NALF1: variants seen among roughly 807,000 people sequenced by gnomAD.
NALF1 encodes NALCN channel auxiliary factor 1.
Under a neutral mutation model 48.4 loss-of-function variants are expected in NALF1, and 3 were observed. That is an observed-to-expected ratio of 0.06 (90% CI 0.03 to 0.16). The LOEUF (loss-of-function observed/expected upper bound fraction) is 0.16. Ranked by LOEUF, NALF1 falls within the 10% of genes least tolerant of loss-of-function variation. The pLI is 1.00. For synonymous variants in NALF1, 262 were observed against 245.7 expected (o/e 1.07, Z -0.62); for missense variants, 526 against 571.5 (o/e 0.92, Z 0.81).
intron 1 of NALF1, among the ~76,000 whole-genome samples, chr13:107,264,567 A>G (rs1261031296): frequency 6.6e-6 from 1 of 152,196 alleles, no homozygotes; most frequent in African/African-American, 2.4e-5. Context: ...TGTGAGGAAA[A>G]AAAAGGAACA....
intron 1 of NALF1, among the ~76,000 whole-genome samples, chr13:107,411,504 T>C (rs1288625054): frequency 6.6e-6 from 1 of 152,036 alleles, no homozygotes; most frequent in Non-Finnish European, 1.5e-5. Context: ...CTTGAAATCA[T>C]GGGTTTATTC....
intron 1 of NALF1, among the ~76,000 whole-genome samples, chr13:107,432,725 G>T (rs1884402882): frequency 6.6e-6 from 1 of 152,078 alleles, no homozygotes; most frequent in Admixed American, 6.6e-5. Context: ...TTCCCTGGGG[G>T]TCTCATGTTC....
intron 1 of NALF1, among the ~76,000 whole-genome samples, chr13:107,324,858 C>T (rs1374806815): frequency 6.6e-6 from 1 of 152,206 alleles, no homozygotes; most frequent in East Asian, 1.9e-4. Context: ...TATCCAATAA[C>T]TCAAGGTATA....
At chr13:107,329,753 G>A (rs1882434407) in intron 1 of NALF1, among the ~76,000 whole-genome samples, 1 of 150,892 alleles carries the variant, frequency 6.6e-6, no homozygotes, top group Non-Finnish European at 1.5e-5. Flanking sequence ...AGAACATGCG[G>A]TGTTTGGCTT....
intron 1 of NALF1, among the ~76,000 whole-genome samples, chr13:107,495,978 G>C (rs1025153570): frequency 6.6e-6 from 1 of 151,890 alleles, no homozygotes; most frequent in African/African-American, 2.4e-5. Flanking sequence ...GTTATGTGTA[G>C]GTTATGAAAA....
intron 1 of NALF1, among the ~76,000 whole-genome samples, chr13:107,289,756 A>G (rs946431630): frequency 1.3e-5 from 2 of 152,206 alleles, no homozygotes; most frequent in African/African-American, 4.8e-5. Context: ...TCCTGGATGA[A>G]TTCATCACCA....
intron 1 of NALF1, among the ~76,000 whole-genome samples, chr13:107,796,596 C>T (rs919212936): frequency 6.6e-6 from 1 of 152,104 alleles, no homozygotes; most frequent in African/African-American, 2.4e-5. Flanking sequence ...GTACTACTCT[C>T]GCTGCTTTAT....
In NALF1 at chr13:107,774,862, G is replaced by A. The variant is rs184416623; in HGVS notation, c.915+90820C>T. Among the ~76,000 whole-genome samples the A allele has an allele frequency of 1.7e-3, 260 of 152,018 alleles. 2 individuals carry two copies. Among genetic ancestry groups the A allele is most frequent in the African/African-American group, 6.0e-3 (247 of 41,466 alleles). On this transcript the variant is annotated intron_variant, in intron 1 of 2. Coordinates refer to ENST00000375915, the MANE Select transcript of NALF1 (RefSeq NM_001080396.3). Reference sequence around the variant, plus strand: ...TTATGGTTCTTCCTTCCTCTCTTCCGAGTCAGGAGGGCTCTTTCTTCCCTG... The same window carrying A: ...TTATGGTTCTTCCTTCCTCTCTTCCAAGTCAGGAGGGCTCTTTCTTCCCTG...
At chr13:107,731,608 G>A (rs1441425737) in intron 1 of NALF1, among the ~76,000 whole-genome samples, 1 of 152,072 alleles carries the variant, frequency 6.6e-6, no homozygotes, top group Non-Finnish European at 1.5e-5. Flanking sequence ...ATGTGTCCAT[G>A]TGTTCTCATC....
rs368932854 is a variant in NALF1 at position 107,257,193 on chromosome 13, G to A, written c.916-46438C>T. ...ATGGGGAAACCACCTCCATGAGCCA[G>A]TCACCTCCCTCCCTTGACATGTGGG... On this transcript the variant is annotated intron_variant, in intron 1 of 2. Coordinates refer to ENST00000375915, the MANE Select transcript of NALF1 (RefSeq NM_001080396.3). 1.2e-4 allele frequency among the ~76,000 whole-genome samples: 19 copies of A among 152,244 alleles called. No homozygotes were observed. The East Asian group carries it at 3.3e-3, about 26-fold the overall frequency.
At chr13:107,294,578 T>C (rs1171049022) in intron 1 of NALF1, among the ~76,000 whole-genome samples, 1 of 152,196 alleles carries the variant, frequency 6.6e-6, no homozygotes, top group African/African-American at 2.4e-5. Flanking sequence ...CTAAGCACTT[T>C]CCAGATTTTC....
chr13:107,797,371 A>G (rs1878459590), intron 1 of NALF1, among the ~76,000 whole-genome samples: 1 of 151,770 alleles, frequency 6.6e-6, no homozygotes, highest in African/African-American at 2.4e-5. Context: ...ATGCCCGGCT[A>G]ATTTTTTTTT....
At chr13:107,482,716 C>G (rs184987147) in intron 1 of NALF1, among the ~76,000 whole-genome samples, 2 of 152,102 alleles carry the variant, frequency 1.3e-5, no homozygotes, top group East Asian at 3.9e-4. Context: ...TGGCCTGGCT[C>G]AGGATGAGAA....
chr13:107,273,208 C>G (rs1881211150), intron 1 of NALF1, among the ~76,000 whole-genome samples: 1 of 152,204 alleles, frequency 6.6e-6, no homozygotes, highest in African/African-American at 2.4e-5. Flanking sequence ...AACAAACAAA[C>G]AGACCTTGTT....
At chr13:107,579,764 C>T (rs1878251988) in intron 1 of NALF1, among the ~76,000 whole-genome samples, 2 of 151,692 alleles carry the variant, frequency 1.3e-5, no homozygotes, top group African/African-American at 4.8e-5. Context: ...TGCTGGTGTG[C>T]TGCACCCACT....
chr13:107,219,740 G>A (rs987633555), intron 1 of NALF1, among the ~76,000 whole-genome samples: 12 of 152,136 alleles, frequency 7.9e-5, no homozygotes, highest in Admixed American at 5.9e-4. Context: ...AAATGCAGAT[G>A]TATTCGTTTC....
intron 1 of NALF1, among the ~76,000 whole-genome samples, chr13:107,634,678 C>T (rs1389613861): frequency 2.0e-5 from 3 of 151,838 alleles, no homozygotes; most frequent in African/African-American, 7.3e-5. Flanking sequence ...TTCCACATTT[C>T]AGGGAGAGAA....
intron 1 of NALF1, among the ~76,000 whole-genome samples, chr13:107,558,620 G>A (rs879843276): frequency 5.9e-5 from 9 of 152,184 alleles, no homozygotes; most frequent in Admixed American, 5.9e-4. Context: ...CGAGGTAGAG[G>A]TGGTGGAAGA....
intron 1 of NALF1, among the ~76,000 whole-genome samples, chr13:107,676,849 A>G (rs1348920532): frequency 6.6e-6 from 1 of 152,168 alleles, no homozygotes; most frequent in Non-Finnish European, 1.5e-5. Context: ...AAAATCATAT[A>G]AATCATCTCA....
Sources: allele counts gnomAD v4.1 joint callset (sites outside exome capture counted in the v4.1 genomes callset), GRCh38; gene constraint gnomAD v4.1.1; transcripts MANE v1.5; gene names NCBI Gene and HGNC (gene_info 2026-07-23, HGNC 2026-07-21).